The following USP24 variants were observed in gnomAD, a reference collection of about 807,000 sequenced individuals.
The protein encoded by USP24 is ubiquitin carboxyl-terminal hydrolase 24.
USP24 carries 97 observed loss-of-function variants against 361.6 expected under a neutral mutation model. The ratio of observed to expected loss-of-function variants is 0.27; its 90% confidence interval spans 0.23 to 0.32. The LOEUF is 0.32. Ranked by LOEUF, USP24 falls within the 10% of genes least tolerant of loss-of-function variation. The pLI, the probability that USP24 is intolerant of heterozygous loss-of-function variation, is 1.00. For synonymous variants in USP24, 1,098 were observed against 1,124.6 expected, an observed-to-expected ratio of 0.98 and a Z score of 0.47; for missense variants, 2,353 against 3,165.6, an observed-to-expected ratio of 0.74 and a Z score of 6.16.
chr1:55,198,607 C>T (rs1644480730), intron 1 of USP24, among the ~76,000 whole-genome samples: 1 of 152,192 alleles, frequency 6.6e-6, no homozygotes, highest in South Asian at 2.1e-4. Context: ...ACTAAAACAT[C>T]TCCATACATG....
rs1009962975 is a variant in USP24 at position 55,110,191 on chromosome 1, G to T, written c.4564C>A (p.Leu1522Met). ...ATATTAGTCATTTACTTACTTGTCA[G>T]ATCATCTAATAACTGGCATCTCAAA... ...FDLRCQLLDD[L>M]TTSEMEQLRI... Residue 1522 changes from leucine to methionine, a missense_variant, in exon 39 of 68, where the codon CTG (leucine) becomes ATG (methionine). Coordinates refer to ENST00000294383, the MANE Select transcript of USP24 (RefSeq NM_015306.3). 11 of 1,550,258 alleles carry T rather than the reference G, an allele frequency of 7.1e-6. No homozygotes were observed. The highest frequency in any genetic ancestry group is 9.6e-6 in the Non-Finnish European group (11 of 1,146,224).
intron 17 of USP24, 101 bp downstream of exon 17, chr1:55,148,362 A>G: frequency 1.4e-6 from 1 of 695,004 alleles, no homozygotes; most frequent in East Asian, 3.5e-5. Context: ...ACATCAATAA[A>G]CATAAAGATA....
intron 42 of USP24, among the ~76,000 whole-genome samples, chr1:55,103,314 C>T (rs1297757885): frequency 6.6e-6 from 1 of 152,180 alleles, no homozygotes; most frequent in Non-Finnish European, 1.5e-5. Flanking sequence ...GGTGAAGTGC[C>T]TCTCTGTGTT....
At chr1:55,109,885 C>T (rs573379057) in intron 39 of USP24, among the ~76,000 whole-genome samples, 3 of 152,294 alleles carry the variant, frequency 2.0e-5, no homozygotes, top group South Asian at 4.1e-4. Flanking sequence ...TTATAACAGA[C>T]TACACCGGAG....
intron 62 of USP24, among the ~76,000 whole-genome samples, chr1:55,076,166 G>A (rs986167497): frequency 1.2e-4 from 19 of 152,132 alleles, no homozygotes; most frequent in African/African-American, 4.6e-4. Context: ...TGATCCTAAG[G>A]ATAAGAGGTT....
chr1:55,157,217 T>G, intron 11 of USP24, 39 bp downstream of exon 11: 1 of 1,440,308 alleles, frequency 6.9e-7, no homozygotes, highest in Non-Finnish European at 9.5e-7. Flanking sequence ...ATTATTTAAA[T>G]TATGTGTTAG....
At chr1:55,196,198 C>G (rs1644412438) in intron 1 of USP24, among the ~76,000 whole-genome samples, 1 of 152,090 alleles carries the variant, frequency 6.6e-6, no homozygotes, top group Non-Finnish European at 1.5e-5. Context: ...GTTCCTCACC[C>G]CACCAGCCAC....
At chr1:55,094,288 G>T (rs557942686) in intron 51 of USP24, among the ~76,000 whole-genome samples, 12 of 152,244 alleles carry the variant, frequency 7.9e-5, no homozygotes, top group African/African-American at 2.9e-4. Context: ...TTTCTAATTA[G>T]TTGGGAGAAC....
intron 55 of USP24, chr1:55,086,321 C>A: frequency 2.3e-6 from 1 of 435,272 alleles, no homozygotes; most frequent in South Asian, 2.9e-5. Flanking sequence ...TAATGTTCAG[C>A]TCTAGAGGTA....
chr1:55,075,367 C>A (rs1645003738), intron 63 of USP24, 90 bp downstream of exon 63: 1 of 1,261,998 alleles, frequency 7.9e-7, no homozygotes, highest in African/African-American at 1.5e-5. Flanking sequence ...GTAGATCCCA[C>A]CGAGAGTAGC....
intron 12 of USP24, 36 bp from the exon 13 acceptor site, chr1:55,154,814 G>C (rs777230538): frequency 1.3e-6 from 2 of 1,533,068 alleles, no homozygotes; most frequent in Non-Finnish European, 1.8e-6. Flanking sequence ...ATTAAGTCTT[G>C]GAACTCGGAA....
chr1:55,138,746 T>C (rs768423876), intron 25 of USP24, 28 bp from the exon 26 acceptor site: 2 of 1,512,254 alleles, frequency 1.3e-6, no homozygotes, highest in Admixed American at 1.7e-5. Flanking sequence ...TCAAGTCAGA[T>C]GGACAGCACC....
intron 1 of USP24, among the ~76,000 whole-genome samples, chr1:55,192,851 A>G (rs1299140768): frequency 1.3e-5 from 2 of 152,208 alleles, no homozygotes; most frequent in African/African-American, 4.8e-5. Flanking sequence ...TTTTCCTGGA[A>G]TGCATCTTCA....
intron 60 of USP24, 39 bp from the exon 61 acceptor site, chr1:55,078,690 C>T (rs1346754521): frequency 1.3e-6 from 2 of 1,484,688 alleles, no homozygotes; most frequent in African/African-American, 2.8e-5. Flanking sequence ...ATTCTCATGT[C>T]ACAGTTAACA....
chr1:55,184,850 G>C lies in USP24; in HGVS notation c.325-6718C>G, dbSNP rs527786466. On this transcript the variant is annotated intron_variant, in intron 1 of 67. Coordinates refer to ENST00000294383, the MANE Select transcript of USP24 (RefSeq NM_015306.3). ...CAATGGCACAAACAAGAAATCACAAGATAGGTAAGAACGCGCTTTGAGACG... is the reference window on the plus strand; with the variant it reads ...CAATGGCACAAACAAGAAATCACAACATAGGTAAGAACGCGCTTTGAGACG... Among the ~76,000 whole-genome samples the C allele has an allele frequency of 3.3e-5, 5 of 152,282 alleles. No homozygotes were observed. The South Asian group carries it at 1.0e-3, about 32-fold the overall frequency.
intron 16 of USP24, among the ~76,000 whole-genome samples, chr1:55,149,898 T>C (rs1395302632): frequency 6.6e-6 from 1 of 152,178 alleles, no homozygotes; most frequent in East Asian, 1.9e-4. Flanking sequence ...CAACACTAAC[T>C]AACCAGTTGT....
At position 55,159,040 on chromosome 1, in the gene USP24, T is replaced by C; in HGVS notation, c.1069-4A>G. The stretch of plus-strand genomic sequence containing the variant: ...GCTCAGGGATGCTAACCAATCTCTT[T>C]TATTGAATAAAAACAAAAAAACAAA... On this transcript the variant is annotated splice_region_variant and splice_polypyrimidine_tract_variant and intron_variant, in intron 9 of 67. Coordinates refer to ENST00000294383, the MANE Select transcript of USP24 (RefSeq NM_015306.3). 6.7e-7 allele frequency: 1 copy of C among 1,481,850 alleles called. No individual in the cohort carries two copies. The highest frequency in any genetic ancestry group is 2.4e-5 in the East Asian group (1 of 41,272). 91.8% of individuals were successfully genotyped at this position (1,481,850 alleles called of 1,614,324 possible).
intron 1 of USP24, among the ~76,000 whole-genome samples, chr1:55,193,188 T>A (rs1644334203): frequency 6.6e-6 from 1 of 152,226 alleles, no homozygotes; most frequent in Admixed American, 6.5e-5. Context: ...TTAGGTATTA[T>A]AAGTAATCTA....
At position 55,083,520 on chromosome 1, in the gene USP24, C is replaced by T. The variant is rs149958351; in HGVS notation, c.6883-156G>A. 4.4e-3 allele frequency among the ~76,000 whole-genome samples: 673 copies of T among 152,178 alleles called. 6 individuals are homozygous for T. Among genetic ancestry groups the T allele is most frequent in the Non-Finnish European group, 5.4e-3 (366 of 68,006 alleles). ...ACTTGTTAAAATCTAATTAAAAAAA[C>T]TCCTGAGCCTCACATTGCTTCACAA... On this transcript the variant is annotated intron_variant, in intron 57 of 67. Transcript: ENST00000294383.
Sources: gnomAD v4.1 joint callset for allele counts (sites outside exome capture counted in the v4.1 genomes callset) on GRCh38, gnomAD v4.1.1 for gene constraint, MANE v1.5 for transcripts, NCBI Gene and HGNC (gene_info 2026-07-23, HGNC 2026-07-21) for gene names.